Variants in PDE4D observed in about 807,000 individuals in gnomAD.
PDE4D encodes 3',5'-cyclic-AMP phosphodiesterase 4D.
PDE4D carries 24 observed loss-of-function variants against 87.4 expected under a neutral mutation model. The observed-to-expected ratio is 0.27, with a 90% CI of 0.20 to 0.39. The LOEUF (loss-of-function observed/expected upper bound fraction) is 0.39. Among genes scored for constraint, PDE4D ranks in the 10% least tolerant of loss-of-function variants. The pLI is 1.00. For synonymous variants in PDE4D, 384 were observed against 383.2 expected (o/e 1.00, Z -0.02); for missense variants, 714 against 1,041.0 (o/e 0.69, Z 4.32).
At chr5:59,572,175 G>A (rs778273345) in intron 1 of PDE4D, among the ~76,000 whole-genome samples, 1 of 152,102 alleles carries the variant, frequency 6.6e-6, no homozygotes, top group African/African-American at 2.4e-5. Context: ...AAAAATTCAA[G>A]TCTCCTTAAG....
intron 2 of PDE4D, among the ~76,000 whole-genome samples, chr5:60,130,229 C>A (rs1230142410): frequency 6.6e-6 from 1 of 152,178 alleles, no homozygotes; most frequent in Non-Finnish European, 1.5e-5. Context: ...CTCAAATGGA[C>A]TTAGACAGCT....
At chr5:60,242,751 T>C (rs1028209328) in intron 1 of PDE4D, among the ~76,000 whole-genome samples, 2 of 151,794 alleles carry the variant, frequency 1.3e-5, no homozygotes, top group African/African-American at 4.8e-5. Flanking sequence ...ATGAAGAAAT[T>C]AAGAGGGAAA....
intron 1 of PDE4D, among the ~76,000 whole-genome samples, chr5:60,233,010 T>A (rs181768590): frequency 3.3e-5 from 5 of 151,930 alleles, no homozygotes; most frequent in Admixed American, 3.3e-4. Context: ...ATCCCAATTA[T>A]CCCTTAATAC....
At chr5:59,461,299 T>C (rs1800745183) in intron 1 of PDE4D, among the ~76,000 whole-genome samples, 2 of 152,170 alleles carry the variant, frequency 1.3e-5, no homozygotes, top group Non-Finnish European at 2.9e-5. Flanking sequence ...GAAATAGTTA[T>C]CTAAGAGAGA....
intron 1 of PDE4D, among the ~76,000 whole-genome samples, chr5:59,614,576 T>C (rs1829419592): frequency 6.6e-6 from 1 of 152,196 alleles, no homozygotes; most frequent in Non-Finnish European, 1.5e-5. Flanking sequence ...GTAATTGTAT[T>C]TTCCCCTTTT....
chr5:60,067,684 T>C (rs899242030), intron 2 of PDE4D, among the ~76,000 whole-genome samples: 3 of 152,072 alleles, frequency 2.0e-5, no homozygotes, highest in African/African-American at 7.2e-5. Flanking sequence ...TGACTGAAAC[T>C]TTACGCCCAT....
intron 1 of PDE4D, among the ~76,000 whole-genome samples, chr5:59,641,927 C>A (rs1741653467): frequency 1.3e-5 from 2 of 151,914 alleles, no homozygotes; most frequent in South Asian, 4.1e-4. Context: ...GGAATTAATA[C>A]TAAAGAAATA....
At chr5:60,125,295 G>T (rs556489956) in intron 2 of PDE4D, among the ~76,000 whole-genome samples, 2 of 151,946 alleles carry the variant, frequency 1.3e-5, no homozygotes, top group African/African-American at 4.8e-5. Context: ...AGTCATTTTT[G>T]ACTTTCCTTT....
intron 2 of PDE4D, among the ~76,000 whole-genome samples, chr5:60,066,815 GA>G (rs1255667095): frequency 1.3e-5 from 2 of 152,040 alleles, no homozygotes; most frequent in African/African-American, 4.8e-5. Context: ...GAGACATAGT[GA>G]AAAGGAAAAC....
intron 1 of PDE4D, among the ~76,000 whole-genome samples, chr5:60,443,358 G>A (rs921726554): frequency 6.6e-6 from 1 of 152,138 alleles, no homozygotes; most frequent in Non-Finnish European, 1.5e-5. Context: ...TGTTTATTGA[G>A]CTGTTTCAAG....
At chr5:59,390,429 G>A (rs1334349903) in intron 1 of PDE4D, among the ~76,000 whole-genome samples, 1 of 152,100 alleles carries the variant, frequency 6.6e-6, no homozygotes, top group Admixed American at 6.6e-5. Flanking sequence ...TTTTGTGTGA[G>A]TGGATTGATG....
At chr5:59,222,010 A>G (rs1043083921) in intron 1 of PDE4D, among the ~76,000 whole-genome samples, 17 of 152,168 alleles carry the variant, frequency 1.1e-4, no homozygotes, top group African/African-American at 3.9e-4. Context: ...TGCATTCAGA[A>G]GTGTTAAAGA....
chr5:59,080,081 CCA>C (rs1211522904), intron 5 of PDE4D, among the ~76,000 whole-genome samples: 1 of 152,110 alleles, frequency 6.6e-6, no homozygotes, highest in Admixed American at 6.5e-5. Context: ...GTTCCCAATC[CCA>C]GTCTGTGGTC....
chr5:60,447,654 C>T (rs778357974), intron 1 of PDE4D, among the ~76,000 whole-genome samples: 4 of 152,006 alleles, frequency 2.6e-5, no homozygotes, highest in African/African-American at 7.2e-5. Flanking sequence ...TTACCAATGG[C>T]GGGGAAGGAA....
rs1419251615 is a variant in PDE4D at position 59,988,410 on chromosome 5, C to T, written c.272+78G>A. ...CTCCCACTCAAATCAAGCAATGAGC[C>T]ACAAAAACTCAAAAGACCACAGACA... On this transcript the variant is annotated intron_variant, in intron 3 of 16. Coordinates refer to the PDE4D transcript ENST00000502484. 5.7e-6 allele frequency: 5 copies of T among 870,302 alleles called. No individual in the cohort carries two copies. The South Asian group carries it at 6.3e-5, about 11-fold the overall frequency. 53.9% of individuals were successfully genotyped at this position (870,302 alleles called of 1,614,324 possible).
At position 59,408,340 on chromosome 5, in the gene PDE4D, C is replaced by T. The variant is rs1017530601; in HGVS notation, c.456-192372G>A. On this transcript the variant is annotated intron_variant, in intron 1 of 14. Transcript: ENST00000340635. ...TGGCTTCCTTGTGGTATTAAGCCTT[C>T]AGATAGAAAGAATGGAAAGAGTGAT... is the stretch of plus-strand genomic sequence containing the variant. 4.6e-5 allele frequency among the ~76,000 whole-genome samples: 7 copies of T among 152,286 alleles called. No individual in the cohort carries two copies. The East Asian group carries it at 1.4e-3, about 29-fold the overall frequency.
At chr5:60,184,654 T>C (rs1000778150) in intron 2 of PDE4D, among the ~76,000 whole-genome samples, 1 of 152,230 alleles carries the variant, frequency 6.6e-6, no homozygotes, top group Non-Finnish European at 1.5e-5. Flanking sequence ...CACATACTCA[T>C]GCCTCACCCT....
intron 1 of PDE4D, among the ~76,000 whole-genome samples, chr5:60,378,661 G>A (rs1285904251): frequency 6.6e-6 from 1 of 152,086 alleles, no homozygotes; most frequent in Non-Finnish European, 1.5e-5. Flanking sequence ...AGACCAGCCT[G>A]ACCAACATGG....
chr5:59,969,001 C>CT (rs1760395321), intron 3 of PDE4D, among the ~76,000 whole-genome samples: 1 of 139,640 alleles, frequency 7.2e-6, no homozygotes, highest in African/African-American at 2.8e-5. Context: ...ACCCCCCCCC[C>CT]GAAAAAAAGA....
Sources: gnomAD v4.1 joint callset for allele counts (sites outside exome capture counted in the v4.1 genomes callset) on GRCh38, gnomAD v4.1.1 for gene constraint, MANE v1.5 for transcripts, NCBI Gene and HGNC (gene_info 2026-07-23, HGNC 2026-07-21) for gene names.